Variants in KIAA0232 observed in about 807,000 individuals in gnomAD.
KIAA0232 encodes KIAA0232.
In KIAA0232, 27 loss-of-function variants were observed where a neutral mutation model predicts 122.0. The observed-to-expected ratio is 0.22, with a 90% CI of 0.16 to 0.31. The LOEUF is 0.31. Among genes scored for constraint, KIAA0232 ranks in the 10% least tolerant of loss-of-function variants. KIAA0232 has a pLI of 1.00. For synonymous variants in KIAA0232, 613 were observed against 587.6 expected (o/e 1.04, Z -0.63); for missense variants, 1,551 against 1,634.2 (o/e 0.95, Z 0.88).
rs1167555928 is a variant in KIAA0232 at position 6,843,353 on chromosome 4, G to A, written c.369+1149G>A. 2.6e-5 allele frequency among the ~76,000 whole-genome samples: 4 copies of A among 152,304 alleles called. No homozygotes were observed. The East Asian group carries it at 7.7e-4, about 29-fold the overall frequency. ...TAATTGTTGAATGGTCTAGTGTTGC[G>A]ATCGTTGGCTTTGTTATCTTTGACA... On this transcript the variant is annotated intron_variant, in intron 4 of 9. Transcript: ENST00000307659.
chr4:6,866,843 C>T (rs1577413215), intron 7 of KIAA0232, among the ~76,000 whole-genome samples: 5 of 152,146 alleles, frequency 3.3e-5, no homozygotes, highest in Admixed American at 1.3e-4. Flanking sequence ...CAGAATTCAG[C>T]GTAGTGAAGA....
chr4:6,838,615 T>C (rs1404026967), intron 3 of KIAA0232, among the ~76,000 whole-genome samples: 5 of 152,082 alleles, frequency 3.3e-5, no homozygotes, highest in African/African-American at 9.7e-5. Flanking sequence ...CTCTGCTATG[T>C]GGGATAAATT....
At chr4:6,820,308 G>C (rs1470971184) in intron 2 of KIAA0232, among the ~76,000 whole-genome samples, 1 of 152,180 alleles carries the variant, frequency 6.6e-6, no homozygotes, top group Non-Finnish European at 1.5e-5. Flanking sequence ...AGCAGGTAGA[G>C]AAGTTTGGGG....
chr4:6,786,589 T>C (rs1716629760), intron 1 of KIAA0232, among the ~76,000 whole-genome samples: 1 of 152,236 alleles, frequency 6.6e-6, no homozygotes, highest in South Asian at 2.1e-4. Flanking sequence ...ATTACAAGCA[T>C]GAGCCACCGC....
intron 8 of KIAA0232, 65 bp downstream of exon 8, chr4:6,871,747 C>T: frequency 2.0e-6 from 2 of 1,020,640 alleles, no homozygotes; most frequent in Non-Finnish European, 3.0e-6. Context: ...GCAATAATTT[C>T]TTTTTCTATG....
chr4:6,821,131 A>G (rs1718401747), intron 2 of KIAA0232, among the ~76,000 whole-genome samples: 1 of 152,234 alleles, frequency 6.6e-6, no homozygotes, highest in Non-Finnish European at 1.5e-5. Context: ...AATCCATAGC[A>G]TTTGCTGGCG....
rs927574462 is a variant in KIAA0232, at chr4:6,882,385, A to G, written c.*1419A>G. 6.6e-6 allele frequency: 1 copy of G among 152,196 alleles called. No homozygotes were observed. Among genetic ancestry groups the G allele is most frequent in the Non-Finnish European group, 1.5e-5 (1 of 68,024 alleles). 9.4% of individuals were successfully genotyped at this position (152,196 alleles called of 1,614,324 possible). A position where few individuals can be genotyped will look rare whatever the true frequency, so the allele number is the denominator to read the frequency against. Reference sequence around the variant, plus strand: ...ATTTGGGCAGGCAGTAAACACACATATAATTTATTAGCTGGGAGCTGAACT... The same window carrying G: ...ATTTGGGCAGGCAGTAAACACACATGTAATTTATTAGCTGGGAGCTGAACT... On this transcript the variant is annotated 3_prime_UTR_variant, in exon 10 of 10. Transcript: ENST00000307659.
At chr4:6,816,197 G>T (rs1039382048) in intron 2 of KIAA0232, among the ~76,000 whole-genome samples, 12 of 151,864 alleles carry the variant, frequency 7.9e-5, no homozygotes, top group Non-Finnish European at 2.9e-5. Context: ...TATATTATTG[G>T]ATTCAATTAC....
At chr4:6,853,460 A>T (rs1720402510) in intron 4 of KIAA0232, among the ~76,000 whole-genome samples, 1 of 152,238 alleles carries the variant, frequency 6.6e-6, no homozygotes, top group Admixed American at 6.5e-5. Flanking sequence ...AGGCTTTGAT[A>T]GGTAAATGAT....
At chr4:6,868,847 T>C (rs1056242472) in intron 7 of KIAA0232, among the ~76,000 whole-genome samples, 4 of 152,212 alleles carry the variant, frequency 2.6e-5, no homozygotes, top group African/African-American at 9.6e-5. Context: ...AATAAGTCCC[T>C]GCCATAGGAA....
chr4:6,807,293 TATCAAGTAGTAATCTTATCTATAA>T (rs1380141865), intron 2 of KIAA0232, among the ~76,000 whole-genome samples: 1 of 152,256 alleles, frequency 6.6e-6, no homozygotes, highest in East Asian at 1.9e-4. Flanking sequence ...CTTCTCTTGC[TATCAAGTAGTAATCTTATCTATAA>T]GAACAATCCT....
In KIAA0232 at chr4:6,866,157, T is replaced by C. The variant is rs1047924853; in HGVS notation, c.3801+1974T>C. 7.0e-6 allele frequency: 6 copies of C among 861,952 alleles called. No individual in the cohort carries two copies. In the African/African-American group the frequency reaches 1.1e-4, roughly 16 times the overall value. The allele number at this position is 861,952 out of a possible 1,614,324, so 53.4% of individuals were successfully genotyped here. On this transcript the variant is annotated intron_variant, in intron 7 of 9. Coordinates refer to ENST00000307659, the MANE Select transcript of KIAA0232 (RefSeq NM_014743.3). The stretch of plus-strand genomic sequence containing the variant: ...TTGCCCCATTTTTCATCCTTAAATA[T>C]TCCTTTATGTACTTTGTATTTCACC...
intron 1 of KIAA0232, among the ~76,000 whole-genome samples, chr4:6,801,945 T>G (rs1717403195): frequency 6.6e-6 from 1 of 152,214 alleles, no homozygotes; most frequent in Non-Finnish European, 1.5e-5. Flanking sequence ...CACTGTGTAT[T>G]GCACATAATA....
chr4:6,835,849 T>C (rs1719239508), intron 3 of KIAA0232, among the ~76,000 whole-genome samples: 1 of 152,254 alleles, frequency 6.6e-6, no homozygotes, highest in South Asian at 2.1e-4. Flanking sequence ...GTGCCACATT[T>C]TCTTTATCCA....
rs200090538 is a variant in KIAA0232 at position 6,863,087 on chromosome 4, A to G, written c.2705A>G (p.Glu902Gly). Reference sequence around the variant, plus strand: ...GAGAAAAGAGCATTTGCTTCTAGTGAGCTATCAAACGTGGATGGTGGTGAT... The same window carrying G: ...GAGAAAAGAGCATTTGCTTCTAGTGGGCTATCAAACGTGGATGGTGGTGAT... ...SLEKRAFASSELSNVDGGDYT... is the reference protein window; with the variant it reads ...SLEKRAFASSGLSNVDGGDYT... The change falls in exon 7 of 10, where the codon GAG becomes GGG. Residue 902 changes from glutamate (E) to glycine (G), a missense_variant. By Grantham distance (98) the Glu-to-Gly change is moderately conservative. Transcript: ENST00000307659. The G allele has an allele frequency of 8.1e-6, 13 of 1,614,254 alleles. No individual in the cohort carries two copies. The highest frequency in any genetic ancestry group is 1.6e-4 in the Middle Eastern group (1 of 6,062).
chr4:6,855,792 T>C lies in KIAA0232; in HGVS notation c.370-1372T>C. 1.0e-6 allele frequency: 1 copy of C among 965,418 alleles called. No homozygotes were observed. Among genetic ancestry groups the C allele is most frequent in the South Asian group, 4.8e-5 (1 of 20,918 alleles). 59.8% of individuals were successfully genotyped at this position (965,418 alleles called of 1,614,324 possible). On this transcript the variant is annotated intron_variant, in intron 4 of 9. Coordinates refer to ENST00000307659, the MANE Select transcript of KIAA0232 (RefSeq NM_014743.3). This position sits in a 1 kb window ranked among gnomAD's most constrained non-coding sequence, Gnocchi z 4.3. ...GGTTTAGAAACCTAGTGACATAGGC[T>C]TGCTGTACAGAACAGTATGCAGTGT...
chr4:6,852,714 C>G (rs186623989), intron 4 of KIAA0232, among the ~76,000 whole-genome samples: 72 of 152,304 alleles, frequency 4.7e-4, no homozygotes, highest in African/African-American at 1.7e-3. Context: ...TAGGGCTCAG[C>G]TGGGAGGTTC....
chr4:6,820,005 A>G (rs768125949), intron 2 of KIAA0232, among the ~76,000 whole-genome samples: 77 of 152,208 alleles, frequency 5.1e-4, no homozygotes, highest in Non-Finnish European at 1.1e-3. Context: ...GGAACAGAAA[A>G]TAAAATACTG....
At chr4:6,849,234 T>G (rs562230712) in intron 4 of KIAA0232, among the ~76,000 whole-genome samples, 1 of 152,274 alleles carries the variant, frequency 6.6e-6, no homozygotes, top group African/African-American at 2.4e-5. Flanking sequence ...TGCATCTGTT[T>G]TCGAAGATGG....
Sources: gnomAD v4.1 joint callset for allele counts (sites outside exome capture counted in the v4.1 genomes callset) on GRCh38, gnomAD v4.1.1 for gene constraint, Gnocchi (gnomAD v3.1) non-coding constraint, MANE v1.5 for transcripts, NCBI Gene and HGNC (gene_info 2026-07-23, HGNC 2026-07-21) for gene names.